The following PSG3 variants were observed in gnomAD, a reference collection of about 807,000 sequenced individuals.
The protein encoded by PSG3 is pregnancy-specific beta-1-glycoprotein 3.
PSG3 carries 61 observed loss-of-function variants against 47.5 expected under a neutral mutation model. The observed-to-expected ratio is 1.28, with a 90% CI of 1.05 to 1.59. The LOEUF (loss-of-function observed/expected upper bound fraction) is 1.59, where lower values mean the gene tolerates loss of function less well. Among genes scored for constraint, PSG3 ranks in the 40% most tolerant of loss-of-function variants. PSG3 has a pLI of 0.00. For missense variants in PSG3, 756 were observed against 524.0 expected, an observed-to-expected ratio of 1.44 and a Z score of -4.32; for synonymous variants, 263 against 198.4, an observed-to-expected ratio of 1.33 and a Z score of -2.74.
intron 3 of PSG3, 175 bp downstream of exon 3, chr19:42,732,609 T>G (rs1969490480): frequency 1.4e-6 from 2 of 1,449,094 alleles, no homozygotes; most frequent in Non-Finnish European, 1.9e-6. Context: ...TTTCTCCTAT[T>G]GTTGATCAAG....
rs1369939763 is a variant in PSG3, at chr19:42,729,353, T to C, written c.1013A>G (p.Tyr338Cys). 6.2e-7 allele frequency: 1 copy of C among 1,613,832 alleles called. No individual in the cohort carries two copies. Among genetic ancestry groups the C allele is most frequent in the East Asian group, 2.2e-5 (1 of 44,882 alleles). The change falls in exon 5 of 7, where the codon TAC (tyrosine) becomes TGC (cysteine). Residue 338 changes from tyrosine (Y) to cysteine (C), a missense_variant. Tyr to Cys is a radical substitution (Grantham distance 194, BLOSUM62 -2). Coordinates refer to ENST00000327495, the MANE Select transcript of PSG3 (RefSeq NM_021016.4). ...VLYGPDLPRI[Y>C]PSFTYYHSGE... ...TGAATGGTAATAGGTGAATGAAGGG[T>C]AAATTCTGGGGAGGTCTGGACCATC...
In PSG3 at chr19:42,729,802, A is replaced by C. The variant is rs1071709; in HGVS notation, c.964T>G (p.Tyr322Asp). ...IQDRYGGIRSYPVTLNVLYGP... is the reference protein window; with the variant it reads ...IQDRYGGIRSDPVTLNVLYGP... ...CAGAGGACATTCAGGGTGACTGGGT[A>C]ACTGCGGATGCCACCATATCGGTCC... is the stretch of plus-strand genomic sequence containing the variant. The change falls in exon 4 of 7, where the codon TAC becomes GAC. Residue 322 changes from tyrosine (Y) to aspartate (D), a missense_variant. Coordinates refer to ENST00000327495, the MANE Select transcript of PSG3 (RefSeq NM_021016.4). The C allele has an allele frequency of 5.1e-5, 82 of 1,613,320 alleles. 1 individual carries two copies. Among genetic ancestry groups the C allele is most frequent in the South Asian group, 4.6e-4 (42 of 91,042 alleles).
At chr19:42,726,930 G>A (rs1162700991) in intron 5 of PSG3, among the ~76,000 whole-genome samples, 5 of 152,168 alleles carry the variant, frequency 3.3e-5, no homozygotes, top group Non-Finnish European at 2.9e-5. Context: ...TGGCATAAAG[G>A]AGGACATAGA....
chr19:42,738,709 C>T lies in PSG3; in HGVS notation c.430+15G>A, dbSNP rs771414261. 88 of 1,612,922 alleles carry T rather than the reference C, an allele frequency of 5.5e-5. 1 individual carries two copies. The highest frequency in any genetic ancestry group is 1.6e-4 in the Middle Eastern group (1 of 6,078). On this transcript the variant is annotated intron_variant, in intron 2 of 6. Transcript: ENST00000327495. ...CCCATCCCCCAACACCCAGTGATCACGTGGAGTCACTCACGGTATAAGGTG... is the reference window on the plus strand; with the variant it reads ...CCCATCCCCCAACACCCAGTGATCATGTGGAGTCACTCACGGTATAAGGTG...
chr19:42,739,124 A>T, intron 1 of PSG3, 35 bp from the exon 2 acceptor site: 1 of 1,572,016 alleles, frequency 6.4e-7, no homozygotes. Context: ...CAATATTGAG[A>T]CCTATGCATT....
chr19:42,728,102 G>A (rs1430132353), intron 5 of PSG3, among the ~76,000 whole-genome samples: 1 of 152,194 alleles, frequency 6.6e-6, no homozygotes, highest in African/African-American at 2.4e-5. Flanking sequence ...AGAATGGTGG[G>A]TGCTAAGGTT....
intron 2 of PSG3, chr19:42,733,459 T>A (rs1318790472): frequency 9.3e-6 from 2 of 215,450 alleles, no homozygotes; most frequent in East Asian, 1.0e-4. Context: ...GCCCGAGGTA[T>A]GTTTTCTCTG....
intron 5 of PSG3, among the ~76,000 whole-genome samples, chr19:42,728,119 G>A (rs575637695): frequency 3.9e-5 from 6 of 152,304 alleles, no homozygotes; most frequent in African/African-American, 9.6e-5. Context: ...GGTTTAGGGG[G>A]AGAAGGAGTG....
At chr19:42,722,721 C>G (rs1412801826) in intron 6 of PSG3, among the ~76,000 whole-genome samples, 1 of 152,008 alleles carries the variant, frequency 6.6e-6, no homozygotes, top group Non-Finnish European at 1.5e-5. Context: ...TGGTGTAGCC[C>G]ATTCATAAAT....
chr19:42,735,617 TC>T (rs2055682681), intron 2 of PSG3, among the ~76,000 whole-genome samples: 1 of 152,318 alleles, frequency 6.6e-6, no homozygotes, highest in African/African-American at 2.4e-5. Context: ...TGCCTCGGCC[TC>T]CCAAAGTCCT....
At chr19:42,725,785 G>T (rs1348062271) in intron 5 of PSG3, among the ~76,000 whole-genome samples, 5 of 150,418 alleles carry the variant, frequency 3.3e-5, no homozygotes, top group African/African-American at 1.2e-4. Flanking sequence ...AATTACTTGA[G>T]CCCAGGAGGT....
intron 2 of PSG3, among the ~76,000 whole-genome samples, chr19:42,737,271 C>T (rs1373013888): frequency 6.6e-6 from 1 of 152,086 alleles, no homozygotes; most frequent in Non-Finnish European, 1.5e-5. Flanking sequence ...ACAGGTGTGG[C>T]TAGAACCTCC....
chr19:42,730,052 C>G lies in PSG3; in HGVS notation c.714G>C (p.Lys238Asn), dbSNP rs1190605149. The G allele has an allele frequency of 1.2e-6, 2 of 1,612,076 alleles. No individual in the cohort carries two copies. The highest frequency in any genetic ancestry group is 1.7e-6 in the Non-Finnish European group (2 of 1,179,502). ...SDPVTLNLLP[K>N]LPKPYITINN... ...TGATGGTGATGTAGGGCTTGGGCAG[C>G]TTCGCTGTGTGGATAACAGAGAGAA... The change falls in exon 4 of 7, where the codon AAG (lysine) becomes AAC (asparagine). Residue 238 changes from lysine (K) to asparagine (N), a missense_variant. Physicochemically the swap from Lys to Asn is moderately conservative, Grantham distance 94. Transcript: ENST00000327495.
At chr19:42,740,062 C>T (rs1399865990) in intron 1 of PSG3, among the ~76,000 whole-genome samples, 1 of 151,970 alleles carries the variant, frequency 6.6e-6, no homozygotes, top group Admixed American at 6.6e-5. Context: ...ACGTGATTCT[C>T]CTGCCTCAGC....
chr19:42,727,976 G>A (rs1235131652), intron 5 of PSG3, among the ~76,000 whole-genome samples: 4 of 152,176 alleles, frequency 2.6e-5, no homozygotes, highest in Admixed American at 2.0e-4. Flanking sequence ...GTGCAAAGTG[G>A]ATGAACCTTG....
At chr19:42,722,555 A>G (rs984788865) in intron 6 of PSG3, among the ~76,000 whole-genome samples, 1 of 152,196 alleles carries the variant, frequency 6.6e-6, no homozygotes, top group Non-Finnish European at 1.5e-5. Context: ...CACCCAGCCT[A>G]GAATACTCAT....
In PSG3 at chr19:42,732,956, C is replaced by T. The variant is rs752818011; in HGVS notation, c.537G>A (p.Leu179=). 4.7e-5 allele frequency: 76 copies of T among 1,614,010 alleles called. No homozygotes were observed. The South Asian group carries it at 7.8e-4, about 17-fold the overall frequency. The change falls in exon 3 of 7, where the codon CTG becomes CTA. Residue 179 remains leucine (L), a synonymous_variant. Coordinates refer to ENST00000327495, the MANE Select transcript of PSG3 (RefSeq NM_021016.4). ...GGAGGCTCTGACCATTCATCCACCA[C>T]AGGTAGCTTGCGTCCGGAGTCTCAG... ...CDPETPDASY[L]WWMNGQSLPM... is the part of the protein sequence containing the mutation.
intron 2 of PSG3, among the ~76,000 whole-genome samples, chr19:42,737,404 G>A (rs1272156571): frequency 2.6e-5 from 4 of 152,160 alleles, no homozygotes; most frequent in African/African-American, 7.2e-5. Flanking sequence ...CTATGGTGGT[G>A]TAGGGTGTGA....
chr19:42,731,029 G>C (rs890573960), intron 3 of PSG3, among the ~76,000 whole-genome samples: 1 of 152,136 alleles, frequency 6.6e-6, no homozygotes, highest in African/African-American at 2.4e-5. Context: ...CCATGGGTTC[G>C]ACTACTCTAG....
Sources: allele counts gnomAD v4.1 joint callset (sites outside exome capture counted in the v4.1 genomes callset), GRCh38; gene constraint gnomAD v4.1.1; transcripts MANE v1.5; gene names NCBI Gene and HGNC (gene_info 2026-07-23, HGNC 2026-07-21).